BCKDHB: variants seen among roughly 807,000 people sequenced by gnomAD.
The protein encoded by BCKDHB is 2-oxoisovalerate dehydrogenase subunit beta, mitochondrial.
Under a neutral mutation model 48.5 loss-of-function variants are expected in BCKDHB, and 41 were observed. That is an observed-to-expected ratio of 0.85 (90% CI 0.66 to 1.10). The LOEUF is 1.10. Among genes scored for constraint, BCKDHB ranks in the 50% least tolerant of loss-of-function variants. The pLI, the probability that BCKDHB is intolerant of heterozygous loss-of-function variation, is 0.00. For synonymous variants in BCKDHB, 201 were observed against 174.8 expected, an observed-to-expected ratio of 1.15 and a Z score of -1.18; for missense variants, 496 against 494.2, an observed-to-expected ratio of 1.00 and a Z score of -0.03.
chr6:80,201,336 G>C (rs1418800350), intron 7 of BCKDHB, among the ~76,000 whole-genome samples: 2 of 151,952 alleles, frequency 1.3e-5, no homozygotes, highest in Non-Finnish European at 2.9e-5. Context: ...GTGGGGGTGG[G>C]GGCGAGGACA....
At chr6:80,397,973 G>A in the BCKDHB span, among the ~76,000 whole-genome samples, 15,761 of 152,136 alleles carry the variant, frequency 0.1, 2,367 homozygotes, top group African/African-American at 0.33. Flanking sequence ...TTGCTTCTGG[G>A]TTACTTGTGG....
At position 80,149,519 on chromosome 6, in the gene BCKDHB, C is replaced by T. The variant is rs567439512; in HGVS notation, c.344-18159C>T. Among the ~76,000 whole-genome samples, 14 of 151,878 alleles carry T rather than the reference C, an allele frequency of 9.2e-5. No individual in the cohort carries two copies. The South Asian group carries it at 1.7e-3, about 18-fold the overall frequency. On this transcript the variant is annotated intron_variant, in intron 3 of 9. Transcript: ENST00000320393. ...ATGCTGCTATAAAGACACATGCACA[C>T]ATATGTTTATTCACACACATGCAGC...
At chr6:80,387,033 A>C in the BCKDHB span, among the ~76,000 whole-genome samples, 912 of 152,302 alleles carry the variant, frequency 6.0e-3, 9 homozygotes, top group African/African-American at 0.02. Context: ...TGCATTGGGT[A>C]AAGGGAAATG....
chr6:80,169,141 A>G, intron 5 of BCKDHB, 111 bp downstream of exon 5: 2 of 1,390,122 alleles, frequency 1.4e-6, no homozygotes, highest in Non-Finnish European at 2.0e-6. Context: ...GGATTCTTGG[A>G]ATTTATGTGA....
the BCKDHB span, among the ~76,000 whole-genome samples, chr6:80,373,785 T>C: frequency 6.6e-6 from 1 of 152,280 alleles, no homozygotes; most frequent in Non-Finnish European, 1.5e-5. Flanking sequence ...TTAACTGCTG[T>C]TGCTTTTAAG....
chr6:80,408,315 C>A, the BCKDHB span, among the ~76,000 whole-genome samples: 2 of 152,112 alleles, frequency 1.3e-5, no homozygotes, highest in African/African-American at 2.4e-5. Context: ...CTAAAATTCT[C>A]TTTTTTTGTT....
chr6:80,185,771 A>G (rs996913464), intron 6 of BCKDHB, among the ~76,000 whole-genome samples: 2 of 152,116 alleles, frequency 1.3e-5, no homozygotes, highest in Admixed American at 6.5e-5. Flanking sequence ...CTGTGAGGTG[A>G]TATGTCTTCA....
At chr6:80,116,180 C>T (rs751248872) in intron 1 of BCKDHB, among the ~76,000 whole-genome samples, 9 of 152,178 alleles carry the variant, frequency 5.9e-5, no homozygotes, top group Non-Finnish European at 1.2e-4. Flanking sequence ...GGAGGCTTCT[C>T]TTTCCCTTTA....
the BCKDHB span, among the ~76,000 whole-genome samples, chr6:80,361,449 T>C: frequency 9.6e-4 from 146 of 152,312 alleles, no homozygotes; most frequent in South Asian, 3.3e-3. Context: ...ATGATTGTTG[T>C]TATTATTTAT....
At chr6:80,263,532 A>AT (rs142276557) in intron 8 of BCKDHB, among the ~76,000 whole-genome samples, 7,934 of 152,218 alleles carry the variant, frequency 0.052, 318 homozygotes, top group South Asian at 0.2. Context: ...AACCCAAAAG[A>AT]TTTTAAGCCT....
chr6:80,435,529 G>A, the BCKDHB span, among the ~76,000 whole-genome samples: 1 of 152,072 alleles, frequency 6.6e-6, no homozygotes, highest in Admixed American at 6.5e-5. Context: ...AAAATAGGGA[G>A]AAATAACACT....
chr6:80,461,609 C>T, the BCKDHB span, among the ~76,000 whole-genome samples: 2 of 152,098 alleles, frequency 1.3e-5, no homozygotes, highest in South Asian at 4.1e-4. Context: ...GTCCTGGATG[C>T]TCTGATTTCT....
chr6:80,408,614 T>G, the BCKDHB span, among the ~76,000 whole-genome samples: 2,298 of 152,160 alleles, frequency 0.015, 55 homozygotes, highest in African/African-American at 0.052. Context: ...AATTTATTCA[T>G]TTTTTCTAGA....
intron 1 of BCKDHB, among the ~76,000 whole-genome samples, chr6:80,125,407 A>G (rs1770292426): frequency 6.6e-6 from 1 of 152,156 alleles, no homozygotes; most frequent in Non-Finnish European, 1.5e-5. Context: ...CTTTCTTATC[A>G]TTTGTGTGCT....
chr6:80,205,456 G>T (rs1050310636), intron 8 of BCKDHB, among the ~76,000 whole-genome samples: 1 of 151,996 alleles, frequency 6.6e-6, no homozygotes, highest in African/African-American at 2.4e-5. Context: ...AGGCAAAAAC[G>T]ATTCGTTGAA....
At position 80,127,505 on chromosome 6, in the gene BCKDHB, A is replaced by G. The variant is rs1301363642; in HGVS notation, c.197-42A>G. 8 of 1,532,638 alleles carry G rather than the reference A, an allele frequency of 5.2e-6. No individual in the cohort carries two copies. The Admixed American group carries it at 6.7e-5, about 13-fold the overall frequency. 94.9% of individuals were successfully genotyped at this position (1,532,638 alleles called of 1,614,324 possible). On this transcript the variant is annotated intron_variant, in intron 1 of 9. Transcript: ENST00000320393. ...GTTAAGAAACTGGTTGTTTTTATGT[A>G]TTTTACAACACACGAAATGATTTTT...
In BCKDHB at chr6:80,110,446, G is replaced by A. The variant is rs548259249; in HGVS notation, c.196+3557G>A. 2.6e-5 allele frequency among the ~76,000 whole-genome samples: 4 copies of A among 152,250 alleles called. No homozygotes were observed. In the East Asian group the frequency reaches 5.8e-4, roughly 22 times the overall value. On this transcript the variant is annotated intron_variant, in intron 1 of 9. Transcript: ENST00000320393. ...TACACAAGGAGGTCATCCATATACT[G>A]GAGTATACTCCCATTTCTTAATTAA... is the stretch of plus-strand genomic sequence containing the variant.
intron 8 of BCKDHB, among the ~76,000 whole-genome samples, chr6:80,233,330 C>A (rs1276040856): frequency 2.0e-5 from 3 of 152,100 alleles, no homozygotes; most frequent in African/African-American, 7.2e-5. Flanking sequence ...AGGGCAGTAG[C>A]CTTTCTCAAA....
At chr6:80,206,235 C>T (rs1331614432) in intron 8 of BCKDHB, among the ~76,000 whole-genome samples, 1 of 152,072 alleles carries the variant, frequency 6.6e-6, no homozygotes, top group Non-Finnish European at 1.5e-5. Flanking sequence ...ACCCACAATA[C>T]AGCCTCTACC....
Sources: allele counts gnomAD v4.1 joint callset (sites outside exome capture counted in the v4.1 genomes callset), GRCh38; gene constraint gnomAD v4.1.1; transcripts MANE v1.5; gene names NCBI Gene and HGNC (gene_info 2026-07-23, HGNC 2026-07-21).